The following RELN variants were observed in gnomAD, a reference collection of about 807,000 sequenced individuals.
RELN encodes reelin.
A neutral mutation model predicts 427.6 loss-of-function variants in RELN; 108 were observed. The ratio of observed to expected loss-of-function variants is 0.25; its 90% CI spans 0.22 to 0.30. RELN has a LOEUF of 0.30. Among genes scored for constraint, RELN ranks in the 10% least tolerant of loss-of-function variants. The pLI, the probability that RELN is intolerant of heterozygous loss-of-function variation, is 1.00. For missense variants in RELN, 3,715 were observed against 4,302.8 expected, an observed-to-expected ratio of 0.86 and a Z score of 3.82; for synonymous variants, 1,524 against 1,513.4, an observed-to-expected ratio of 1.01 and a Z score of -0.16.
intron 20 of RELN, among the ~76,000 whole-genome samples, chr7:103,612,347 C>G (rs931145057): frequency 2.7e-5 from 4 of 148,192 alleles, no homozygotes; most frequent in Non-Finnish European, 5.9e-5. Flanking sequence ...TTGATCTTGG[C>G]TCACCGCAAC....
intron 4 of RELN, among the ~76,000 whole-genome samples, chr7:103,764,029 G>GT (rs1174403127): frequency 6.6e-6 from 1 of 152,208 alleles, no homozygotes; most frequent in Non-Finnish European, 1.5e-5. Flanking sequence ...CTAGGTCTCT[G>GT]TTTAGTGACT....
At chr7:103,971,167 AAAG>A (rs1326647886) in intron 1 of RELN, among the ~76,000 whole-genome samples, 1 of 151,990 alleles carries the variant, frequency 6.6e-6, no homozygotes, top group African/African-American at 2.4e-5. Flanking sequence ...AAAAAAAAAA[AAAG>A]AAAAAGGGAA....
At chr7:103,542,700 G>T (rs768311014) in intron 43 of RELN, 31 bp downstream of exon 43, 12 of 1,611,752 alleles carry the variant, frequency 7.4e-6, no homozygotes, top group South Asian at 2.2e-5. Flanking sequence ...TTACGATGTG[G>T]TTTTTTTCAA....
intron 12 of RELN, among the ~76,000 whole-genome samples, chr7:103,660,438 T>C (rs1215896990): frequency 1.3e-5 from 2 of 152,230 alleles, no homozygotes; most frequent in African/African-American, 2.4e-5. Flanking sequence ...CACATAATTA[T>C]GGAAAATGAG....
At chr7:103,871,991 T>G (rs1584317609) in intron 2 of RELN, among the ~76,000 whole-genome samples, 1 of 150,404 alleles carries the variant, frequency 6.6e-6, no homozygotes, top group East Asian at 1.9e-4. Context: ...ACTTATTACT[T>G]ACATTCTATC....
At chr7:103,572,322 C>T (rs2117201194) in intron 30 of RELN, 62 bp from the exon 31 acceptor site, 1 of 895,320 alleles carries the variant, frequency 1.1e-6, no homozygotes, top group Non-Finnish European at 1.9e-6. Context: ...TAAGCATTAG[C>T]GTTTTGACAC....
intron 22 of RELN, among the ~76,000 whole-genome samples, chr7:103,608,242 T>C (rs1212472249): frequency 6.6e-6 from 1 of 152,172 alleles, no homozygotes; most frequent in African/African-American, 2.4e-5. Flanking sequence ...AATGTAAATA[T>C]ACTTTATTTT....
chr7:103,770,392 A>G (rs1395495935), intron 4 of RELN, among the ~76,000 whole-genome samples: 1 of 152,122 alleles, frequency 6.6e-6, no homozygotes, highest in Non-Finnish European at 1.5e-5. Context: ...CCCAGCCCAA[A>G]TCTTACAATA....
chr7:103,835,954 C>CTTT (rs10569884), intron 2 of RELN, among the ~76,000 whole-genome samples: 27 of 142,434 alleles, frequency 1.9e-4, no homozygotes, highest in African/African-American at 3.1e-4. Flanking sequence ...CTCAATTACC[C>CTTT]TTTTTTTTTT....
chr7:103,880,567 G>A (rs1490055795), intron 2 of RELN, among the ~76,000 whole-genome samples: 6 of 152,162 alleles, frequency 3.9e-5, no homozygotes, highest in African/African-American at 1.4e-4. Context: ...CTGACAAGGG[G>A]GACCAAGGTT....
intron 8 of RELN, among the ~76,000 whole-genome samples, chr7:103,718,657 T>C (rs923406769): frequency 3.9e-5 from 6 of 152,134 alleles, no homozygotes; most frequent in Admixed American, 1.3e-4. Context: ...GGTAACATAC[T>C]ATTATAGATG....
chr7:103,496,430 A>G lies in RELN; in HGVS notation c.9193+96T>C. On this transcript the variant is annotated intron_variant, in intron 56 of 64. Coordinates refer to ENST00000428762, the MANE Select transcript of RELN (RefSeq NM_005045.4). ...TGTTGAGCAGGAGTATGGGCTAGGC[A>G]CTCTTATAAATGCTTTTCATGTGCT... The G allele has an allele frequency of 3.3e-6, 5 of 1,501,650 alleles. No homozygotes were observed. In the South Asian group the frequency reaches 5.7e-5, roughly 17 times the overall value. The allele number at this position is 1,501,650 out of a possible 1,614,324, so 93.0% of individuals were successfully genotyped here.
At chr7:103,575,741 A>T (rs774908327) in intron 28 of RELN, 36 bp from the exon 29 acceptor site, 2 of 1,610,924 alleles carry the variant, frequency 1.2e-6, no homozygotes, top group Non-Finnish European at 1.7e-6. Context: ...TTCTTGTACC[A>T]ACATCTCATA....
chr7:103,958,886 A>G (rs919647837), intron 1 of RELN, among the ~76,000 whole-genome samples: 2 of 152,178 alleles, frequency 1.3e-5, no homozygotes, highest in African/African-American at 4.8e-5. Context: ...TTTCCACTTT[A>G]CAGACAGAAA....
chr7:103,759,797 C>T (rs1215377626), intron 4 of RELN, among the ~76,000 whole-genome samples: 4 of 152,002 alleles, frequency 2.6e-5, no homozygotes, highest in Non-Finnish European at 4.4e-5. Context: ...TCCAAAATTA[C>T]CTCCAATTAT....
At chr7:103,601,041 AGTCT>A (rs1831654913) in intron 24 of RELN, among the ~76,000 whole-genome samples, 1 of 152,348 alleles carries the variant, frequency 6.6e-6, no homozygotes, top group East Asian at 1.9e-4. Flanking sequence ...GAGCCCAGAT[AGTCT>A]GTCTGACTTC....
intron 3 of RELN, among the ~76,000 whole-genome samples, chr7:103,804,713 T>C (rs956936727): frequency 6.6e-6 from 1 of 152,120 alleles, no homozygotes; most frequent in African/African-American, 2.4e-5. Flanking sequence ...ATGTAGAAAA[T>C]AGTAATAGGT....
Position 103,909,697 on chromosome 7 carries a change from A to T in RELN, c.337+7378T>A, listed in dbSNP as rs1440453581. ...TTAAATATATTTAATAAATATATATATTTAATATATATAAATATATATTAA... is the reference window on the plus strand; with the variant it reads ...TTAAATATATTTAATAAATATATATTTTTAATATATATAAATATATATTAA... On this transcript the variant is annotated intron_variant, in intron 2 of 64. Coordinates refer to ENST00000428762, the MANE Select transcript of RELN (RefSeq NM_005045.4). Among the ~76,000 whole-genome samples the T allele has an allele frequency of 1.6e-3, 105 of 64,436 alleles. 9 individuals carry two copies. The highest frequency in any genetic ancestry group is 6.0e-3 in the African/African-American group (74 of 12,364). The allele number at this position is 64,436 out of a possible 152,430, so 42.3% of individuals were successfully genotyped here. A position where few individuals can be genotyped will look rare whatever the true frequency, so the allele number is the denominator to read the frequency against.
chr7:103,588,171 T>C (rs1312320346), intron 28 of RELN, among the ~76,000 whole-genome samples: 4 of 152,090 alleles, frequency 2.6e-5, no homozygotes, highest in African/African-American at 9.7e-5. Flanking sequence ...ATATACACAA[T>C]GAAATACTAT....
Sources: allele counts gnomAD v4.1 joint callset (sites outside exome capture counted in the v4.1 genomes callset), GRCh38; gene constraint gnomAD v4.1.1; transcripts MANE v1.5; gene names NCBI Gene and HGNC (gene_info 2026-07-23, HGNC 2026-07-21).